Variants in CDC42EP4 observed in about 807,000 individuals in gnomAD.
The protein encoded by CDC42EP4 is CDC42 effector protein (Rho GTPase binding) 4.
Under a neutral mutation model 5.6 loss-of-function variants are expected in CDC42EP4, and 6 were observed. The ratio of observed to expected loss-of-function variants is 1.07; its 90% CI spans 0.59 to 2.12. The LOEUF is 2.12. Among genes scored for constraint, CDC42EP4 ranks in the 30% most tolerant of loss-of-function variants. The probability of loss-of-function intolerance (pLI) is 0.00; values close to 1 mark genes in which losing one functional copy is unlikely to be tolerated. For synonymous variants in CDC42EP4, 230 were observed against 224.2 expected (o/e 1.03, Z -0.23); for missense variants, 490 against 508.6 (o/e 0.96, Z 0.35).
At chr17:73,294,381 C>A (rs917198341) in intron 1 of CDC42EP4, among the ~76,000 whole-genome samples, 2 of 151,924 alleles carry the variant, frequency 1.3e-5, no homozygotes, top group African/African-American at 4.8e-5. Context: ...AACAAAAAAA[C>A]AAACCCAGGA....
chr17:73,304,352 G>A (rs1385170716), intron 1 of CDC42EP4, among the ~76,000 whole-genome samples: 1 of 149,194 alleles, frequency 6.7e-6, no homozygotes, highest in Non-Finnish European at 1.5e-5. Flanking sequence ...TGCAATCAAA[G>A]CTCACCGTAA....
chr17:73,285,945 C>A lies in CDC42EP4; in HGVS notation c.556G>T (p.Asp186Tyr), dbSNP rs752229921. Residue 186 changes from aspartate to tyrosine, a missense_variant, in exon 2 of 2, where the codon GAT becomes TAT. By Grantham distance (160) the Asp-to-Tyr change is radical. Coordinates refer to ENST00000335793, the MANE Select transcript of CDC42EP4 (RefSeq NM_012121.5). The surrounding 1 kb of genome is among the most constrained non-coding windows in gnomAD (Gnocchi z 6.8). The stretch of plus-strand genomic sequence containing the variant: ...GGCACGACAGGCAGATCTGTCAGAT[C>A]CCCAAAGGCCTGCTCATCGAGGAGG... The part of the protein sequence containing the change: ...DPLLDEQAFG[D>Y]LTDLPVVPKA... 1 of 1,613,854 alleles carries A rather than the reference C, an allele frequency of 6.2e-7. No individual in the cohort carries two copies. Among genetic ancestry groups the A allele is most frequent in the Non-Finnish European group, 8.5e-7 (1 of 1,180,008 alleles).
chr17:73,296,841 C>T (rs1467227812), intron 1 of CDC42EP4, among the ~76,000 whole-genome samples: 2 of 150,448 alleles, frequency 1.3e-5, no homozygotes, highest in African/African-American at 2.5e-5. Flanking sequence ...ATTAGCCAGG[C>T]GCGGTGAGGG....
chr17:73,302,550 C>T (rs951655616), intron 1 of CDC42EP4, among the ~76,000 whole-genome samples: 24 of 151,882 alleles, frequency 1.6e-4, no homozygotes, highest in Admixed American at 5.3e-4. Flanking sequence ...AATTACAGCT[C>T]ATTGTAGCCT....
intron 1 of CDC42EP4, among the ~76,000 whole-genome samples, chr17:73,287,365 A>C (rs950740028): frequency 1.3e-5 from 2 of 152,146 alleles, no homozygotes; most frequent in East Asian, 3.9e-4. Flanking sequence ...CGGGGAGATC[A>C]AGATTGGGCA....
intron 1 of CDC42EP4, among the ~76,000 whole-genome samples, chr17:73,309,450 A>ACCTCCCT (rs2062262336): frequency 6.6e-6 from 1 of 151,682 alleles, no homozygotes; most frequent in Non-Finnish European, 1.5e-5. Context: ...TATACATGAG[A>ACCTCCCT]CCTCCCTTTG....
At chr17:73,289,044 C>A (rs77811373) in intron 1 of CDC42EP4, among the ~76,000 whole-genome samples, 134 of 152,296 alleles carry the variant, frequency 8.8e-4, no homozygotes, top group African/African-American at 2.9e-3. Context: ...TATCTCTGGG[C>A]CCCACCCTCC....
At chr17:73,302,511 C>G (rs1475307440) in intron 1 of CDC42EP4, among the ~76,000 whole-genome samples, 1 of 151,902 alleles carries the variant, frequency 6.6e-6, no homozygotes, top group Non-Finnish European at 1.5e-5. Context: ...GGGTCTCACT[C>G]TGTTAACCAG....
intron 1 of CDC42EP4, among the ~76,000 whole-genome samples, chr17:73,308,731 C>T (rs1410604878): frequency 1.3e-5 from 2 of 152,120 alleles, no homozygotes; most frequent in South Asian, 4.2e-4. Flanking sequence ...AAGCTCTGGA[C>T]TTGTTAAGAA....
At chr17:73,288,767 C>G (rs1568340655) in intron 1 of CDC42EP4, among the ~76,000 whole-genome samples, 1 of 152,186 alleles carries the variant, frequency 6.6e-6, no homozygotes, top group Non-Finnish European at 1.5e-5. Flanking sequence ...TCCCTGTTCT[C>G]TCAAGCCTCT....
chr17:73,307,809 C>G (rs2062252416), intron 1 of CDC42EP4, among the ~76,000 whole-genome samples: 1 of 134,004 alleles, frequency 7.5e-6, no homozygotes, highest in African/African-American at 2.8e-5. Context: ...ATCGCCCATG[C>G]TGGAGTACAG....
At chr17:73,303,639 G>A (rs529723351) in intron 1 of CDC42EP4, among the ~76,000 whole-genome samples, 3 of 147,102 alleles carry the variant, frequency 2.0e-5, no homozygotes, top group East Asian at 4.0e-4. Flanking sequence ...TCCAGCCTGG[G>A]CAACAGAGCA....
At chr17:73,294,306 C>T (rs927326501) in intron 1 of CDC42EP4, among the ~76,000 whole-genome samples, 3 of 152,098 alleles carry the variant, frequency 2.0e-5, no homozygotes, top group Admixed American at 6.5e-5. Flanking sequence ...GAGCTGAGAT[C>T]GCGCCACTGC....
chr17:73,285,798 C>A lies in CDC42EP4; in HGVS notation c.703G>T (p.Gly235Trp), dbSNP rs773015674. ...MDKEEWDPEE[G>W]EGGYHGDEGA... ...TCATCGCCATGGTAACCACCCTCCC[C>A]CTCCTCGGGGTCCCACTCCTCCTTG... The change falls in exon 2 of 2, where the codon GGG becomes TGG. Residue 235 changes from glycine (G) to tryptophan (W), a missense_variant. Gly to Trp is a radical substitution (Grantham distance 184). Transcript: ENST00000335793. This position sits in a 1 kb window ranked among gnomAD's most constrained non-coding sequence, Gnocchi z 6.8. The A allele has an allele frequency of 1.9e-6, 3 of 1,603,522 alleles. No homozygotes were observed.
rs538043749 is a variant in CDC42EP4, at chr17:73,305,460, C to T, written c.-113+6433G>A. On this transcript the variant is annotated intron_variant, in intron 1 of 1. Coordinates refer to ENST00000335793, the MANE Select transcript of CDC42EP4 (RefSeq NM_012121.5). ...GTTTCACTTTGCCGCTCCTAAGAGC[C>T]GGGTGCTCAGCTAAGAACTGGGAAT... 4.1e-4 allele frequency among the ~76,000 whole-genome samples: 62 copies of T among 152,290 alleles called. 1 individual carries two copies. In the South Asian group the frequency reaches 0.012, roughly 30 times the overall value.
At chr17:73,302,188 A>G (rs1031807542) in intron 1 of CDC42EP4, among the ~76,000 whole-genome samples, 6 of 152,064 alleles carry the variant, frequency 3.9e-5, no homozygotes, top group African/African-American at 1.4e-4. Context: ...CACCAAGCTT[A>G]TACTACCTTA....
intron 1 of CDC42EP4, among the ~76,000 whole-genome samples, chr17:73,287,891 C>T (rs145126910): frequency 1.3e-3 from 193 of 152,244 alleles, no homozygotes; most frequent in Middle Eastern, 6.8e-3. Context: ...CCCTGTTGGT[C>T]TCCCTCCTGT....
chr17:73,307,943 T>C (rs996164183), intron 1 of CDC42EP4, among the ~76,000 whole-genome samples: 2 of 151,704 alleles, frequency 1.3e-5, no homozygotes, highest in African/African-American at 4.8e-5. Flanking sequence ...GGTTTCACCA[T>C]ATTGGCCAGG....
Position 73,285,231 on chromosome 17 carries a change from C to T in CDC42EP4, c.*199G>A, listed in dbSNP as rs1862043711. 1 of 460,974 alleles carries T rather than the reference C, an allele frequency of 2.2e-6. No homozygotes were observed. 28.6% of individuals were successfully genotyped at this position (460,974 alleles called of 1,614,324 possible). ...AGGGAGCATGATGAAGTCAGGCAGC[C>T]AGTCGGCACCCATGCCAGCCCCCTA... is the stretch of plus-strand genomic sequence containing the variant. On this transcript the variant is annotated 3_prime_UTR_variant, in exon 2 of 2. Transcript: ENST00000335793. The surrounding 1 kb of genome is among the most constrained non-coding windows in gnomAD (Gnocchi z 6.8).
Sources: gnomAD v4.1 joint callset for allele counts (sites outside exome capture counted in the v4.1 genomes callset) on GRCh38, gnomAD v4.1.1 for gene constraint, Gnocchi (gnomAD v3.1) non-coding constraint, MANE v1.5 for transcripts, NCBI Gene and HGNC (gene_info 2026-07-23, HGNC 2026-07-21) for gene names.